NCAM2: variants seen among roughly 807,000 people sequenced by gnomAD.
The protein encoded by NCAM2 is neural cell adhesion molecule 2.
Under a neutral mutation model 98.1 loss-of-function variants are expected in NCAM2, and 30 were observed. The observed-to-expected ratio is 0.31, with a 90% confidence interval of 0.23 to 0.41. The LOEUF (loss-of-function observed/expected upper bound fraction) is 0.41. NCAM2 is among the 10% of genes least tolerant of loss of function. The probability of loss-of-function intolerance (pLI) is 1.00; values close to 1 mark genes in which losing one functional copy is unlikely to be tolerated. For missense variants in NCAM2, 867 were observed against 1,005.8 expected (o/e 0.86, Z 1.87); for synonymous variants, 368 against 342.4 (o/e 1.07, Z -0.83).
At chr21:21,487,110 A>G (rs544972471) in intron 15 of NCAM2, among the ~76,000 whole-genome samples, 2 of 152,262 alleles carry the variant, frequency 1.3e-5, no homozygotes, top group Admixed American at 1.3e-4. Context: ...CAATAAAGCT[A>G]TTGCATTCCA....
intron 17 of NCAM2, among the ~76,000 whole-genome samples, chr21:21,535,877 C>A (rs938654430): frequency 6.6e-6 from 1 of 152,002 alleles, no homozygotes; most frequent in African/African-American, 2.4e-5. Flanking sequence ...TTTACCTATA[C>A]GTAAGTGGTG....
At chr21:21,023,407 C>T (rs2064476569) in intron 1 of NCAM2, among the ~76,000 whole-genome samples, 1 of 151,590 alleles carries the variant, frequency 6.6e-6, no homozygotes, top group Admixed American at 6.6e-5. Flanking sequence ...ACCTGTAATC[C>T]CAGCCACTCT....
chr21:21,121,441 A>G (rs1601423605), intron 1 of NCAM2, among the ~76,000 whole-genome samples: 3 of 152,290 alleles, frequency 2.0e-5, no homozygotes, highest in South Asian at 2.1e-4. Flanking sequence ...AAATAATTGA[A>G]GAAATTTTGC....
intron 1 of NCAM2, among the ~76,000 whole-genome samples, chr21:21,080,296 A>T (rs1315476079): frequency 1.3e-5 from 2 of 152,136 alleles, no homozygotes; most frequent in Admixed American, 6.5e-5. Context: ...ACCCCTAAAG[A>T]CATTAACATT....
chr21:21,036,656 G>A (rs2064804729), intron 1 of NCAM2, among the ~76,000 whole-genome samples: 1 of 152,132 alleles, frequency 6.6e-6, no homozygotes, highest in African/African-American at 2.4e-5. Context: ...TGATTTTCAG[G>A]GGAAATGAAT....
At chr21:21,421,215 T>A (rs917889808) in intron 11 of NCAM2, among the ~76,000 whole-genome samples, 4 of 152,016 alleles carry the variant, frequency 2.6e-5, no homozygotes, top group Non-Finnish European at 5.9e-5. Flanking sequence ...ACAGGTAGTA[T>A]TTAATGTGCA....
chr21:21,335,849 T>C (rs11909613), intron 7 of NCAM2, among the ~76,000 whole-genome samples, 184 bp downstream of exon 7: 122,354 of 152,156 alleles, frequency 0.8, 49,393 homozygotes, highest in East Asian at 0.99. Flanking sequence ...AAATTACATA[T>C]GCAAATTTTT....
chr21:21,065,018 A>G (rs2065403998), intron 1 of NCAM2, among the ~76,000 whole-genome samples: 1 of 152,028 alleles, frequency 6.6e-6, no homozygotes, highest in South Asian at 2.1e-4. Context: ...CGTCTCTACT[A>G]AAAATACAAA....
At chr21:21,283,849 A>C (rs1433612216) in intron 2 of NCAM2, among the ~76,000 whole-genome samples, 1 of 151,928 alleles carries the variant, frequency 6.6e-6, no homozygotes, top group Non-Finnish European at 1.5e-5. Context: ...AGTGGGTTGT[A>C]TGTCTGGCTC....
chr21:21,420,756 A>G (rs1255596883), intron 11 of NCAM2, among the ~76,000 whole-genome samples: 2 of 151,946 alleles, frequency 1.3e-5, no homozygotes, highest in African/African-American at 4.8e-5. Flanking sequence ...GGGAGAAAAG[A>G]GATTACATGG....
chr21:21,359,322 G>T (rs957525397), intron 8 of NCAM2, among the ~76,000 whole-genome samples: 12 of 151,892 alleles, frequency 7.9e-5, no homozygotes, highest in Non-Finnish European at 1.5e-5. Flanking sequence ...AATCTTCCTT[G>T]ATGCTTCTGA....
At position 21,335,641 on chromosome 21, in the gene NCAM2, A is replaced by G; in HGVS notation, c.874A>G (p.Lys292Glu). Reference sequence around the variant, plus strand: ...CACAAATAAGGCAGGAGAAGATGAAAAGCAAGCTTTCCTCCAAGTCTTTGG... The same window carrying G: ...CACAAATAAGGCAGGAGAAGATGAAGAGCAAGCTTTCCTCCAAGTCTTTGG... The part of the protein sequence containing the change: ...RATNKAGEDE[K>E]QAFLQVFVQP... The change falls in exon 7 of 18, where the codon AAG (lysine) becomes GAG (glutamate). Residue 292 changes from lysine (K) to glutamate (E), a missense_variant. Transcript: ENST00000400546. 1.2e-6 allele frequency: 2 copies of G among 1,607,282 alleles called. No individual in the cohort carries two copies. The highest frequency in any genetic ancestry group is 1.1e-5 in the South Asian group (1 of 89,850).
chr21:21,474,402 G>A (rs1569101094), intron 14 of NCAM2, among the ~76,000 whole-genome samples: 1 of 151,910 alleles, frequency 6.6e-6, no homozygotes, highest in Non-Finnish European at 1.5e-5. Context: ...ACTGCCTTGT[G>A]TTTGTACAGA....
chr21:21,087,907 AG>A (rs2065936290), intron 1 of NCAM2, among the ~76,000 whole-genome samples: 1 of 152,184 alleles, frequency 6.6e-6, no homozygotes, highest in African/African-American at 2.4e-5. Flanking sequence ...TCGATATAAG[AG>A]TCATATTCAT....
intron 1 of NCAM2, among the ~76,000 whole-genome samples, chr21:21,200,028 G>A (rs933368682): frequency 1.3e-5 from 2 of 152,098 alleles, no homozygotes; most frequent in East Asian, 1.9e-4. Flanking sequence ...GACTGCCCCC[G>A]AATTGTCAGG....
intron 12 of NCAM2, among the ~76,000 whole-genome samples, chr21:21,436,865 G>A (rs1444895625): frequency 1.3e-5 from 2 of 151,496 alleles, no homozygotes; most frequent in African/African-American, 2.4e-5. Context: ...GGGTTCAAGC[G>A]ATTCTCGTGC....
chr21:21,437,501 T>TGTGTGTG (rs1569063376), intron 12 of NCAM2, among the ~76,000 whole-genome samples: 1 of 151,630 alleles, frequency 6.6e-6, no homozygotes, highest in Non-Finnish European at 1.5e-5. Context: ...TGTGTGTGTG[T>TGTGTGTG]TTCTAGCACA....
chr21:21,214,454 A>G (rs1324695506), intron 1 of NCAM2, among the ~76,000 whole-genome samples: 1 of 152,008 alleles, frequency 6.6e-6, no homozygotes, highest in Non-Finnish European at 1.5e-5. Context: ...TGGCCAATTA[A>G]CTGCAATGCC....
intron 16 of NCAM2, among the ~76,000 whole-genome samples, chr21:21,533,411 A>ATG (rs1989817645): frequency 6.6e-6 from 1 of 151,766 alleles, no homozygotes; most frequent in Non-Finnish European, 1.5e-5. Flanking sequence ...CAGTTGCCTT[A>ATG]GTAAATATAT....
Sources: allele counts gnomAD v4.1 joint callset (sites outside exome capture counted in the v4.1 genomes callset), GRCh38; gene constraint gnomAD v4.1.1; transcripts MANE v1.5; gene names NCBI Gene and HGNC (gene_info 2026-07-23, HGNC 2026-07-21).